DNAJC22: variants seen among roughly 807,000 people sequenced by gnomAD.
DNAJC22 encodes the protein DnaJ heat shock protein family (Hsp40) member C22, also known as dnaJ homolog subfamily C member 22.
A neutral mutation model predicts 22.2 loss-of-function variants in DNAJC22; 24 were observed. The ratio of observed to expected loss-of-function variants is 1.08; its 90% confidence interval spans 0.78 to 1.52. DNAJC22 has a LOEUF of 1.52. Among genes scored for constraint, DNAJC22 ranks in the 40% most tolerant of loss-of-function variants. The pLI is 0.00. For missense variants in DNAJC22, 434 were observed against 421.7 expected, an observed-to-expected ratio of 1.03 and a Z score of -0.26; for synonymous variants, 160 against 167.4, an observed-to-expected ratio of 0.96 and a Z score of 0.34.
At chr12:49,349,830 T>G (rs1943756836) in intron 3 of DNAJC22, 118 bp downstream of exon 3, 1 of 1,530,032 alleles carries the variant, frequency 6.5e-7, no homozygotes, top group African/African-American at 1.4e-5. Context: ...TGGATATCTG[T>G]GTACAATGGG....
rs2137096674 is a variant in DNAJC22 at position 49,351,557 on chromosome 12, C to T, written c.*55C>T. Reference sequence around the variant, plus strand: ...TCCTAGCAGAGCTGGGCAACTTGTCCCAAATCTAGCTTTGCCCACGAATGG... The same window carrying T: ...TCCTAGCAGAGCTGGGCAACTTGTCTCAAATCTAGCTTTGCCCACGAATGG... On this transcript the variant is annotated 3_prime_UTR_variant, in exon 4 of 4. Coordinates refer to ENST00000549441, the MANE Select transcript of DNAJC22 (RefSeq NM_001304944.2). 6.8e-7 allele frequency: 1 copy of T among 1,478,498 alleles called. No individual in the cohort carries two copies. The highest frequency in any genetic ancestry group is 2.6e-5 in the East Asian group (1 of 39,098). The allele number at this position is 1,478,498 out of a possible 1,614,324, so 91.6% of individuals were successfully genotyped here. A position where few individuals can be genotyped will look rare whatever the true frequency, so the allele number is the denominator to read the frequency against.
chr12:49,349,092 C>A lies in DNAJC22; in HGVS notation c.220C>A (p.Pro74Thr), dbSNP rs754049002. 1.9e-6 allele frequency: 3 copies of A among 1,614,048 alleles called. No homozygotes were observed. Among genetic ancestry groups the A allele is most frequent in the Non-Finnish European group, 2.5e-6 (3 of 1,179,936 alleles). ...GAGGCAGAGCCCCAGAGGGGTGACA[C>A]CCCCTCTGAGTCCCATTCGCTTTGC... Reference protein sequence around the residue: ...GQRQSPRGVTPPLSPIRFAAQ... With the variant: ...GQRQSPRGVTTPLSPIRFAAQ... The change falls in exon 3 of 4, where the codon CCC becomes ACC. Residue 74 changes from proline (P) to threonine (T), a missense_variant. By Grantham distance (38) the Pro-to-Thr change is conservative (BLOSUM62 -1). Transcript: ENST00000549441.
chr12:49,351,375 T>C lies in DNAJC22; in HGVS notation c.899T>C (p.Leu300Pro), dbSNP rs1455697805. ...GAAATACATCGGAGTTACCAGGAGC[T>C]AGTGAAGGTCTGGCACCCAGACCAC... ...NEEIHRSYQE[L>P]VKVWHPDHNL... The change falls in exon 4 of 4, where the codon CTA (leucine) becomes CCA (proline). Residue 300 changes from leucine to proline, a missense_variant. Physicochemically the swap from Leu to Pro is moderately conservative, Grantham distance 98 (BLOSUM62 -3). Coordinates refer to ENST00000549441, the MANE Select transcript of DNAJC22 (RefSeq NM_001304944.2). The C allele has an allele frequency of 6.2e-7, 1 of 1,613,530 alleles. No individual in the cohort carries two copies. Among genetic ancestry groups the C allele is most frequent in the Non-Finnish European group, 8.5e-7 (1 of 1,179,780 alleles).
At chr12:49,350,828 T>C (rs1464828474) in intron 3 of DNAJC22, among the ~76,000 whole-genome samples, 1 of 152,134 alleles carries the variant, frequency 6.6e-6, no homozygotes, top group Admixed American at 6.6e-5. Flanking sequence ...CAATTGTAAA[T>C]TGTTTGTTTT....
chr12:49,347,954 C>G lies in DNAJC22; in HGVS notation c.-259C>G, dbSNP rs1250814476. ...GGCCGGGGAGGGCCCTGGGGAGGAG[C>G]CTGGCCTGGGGAAGCCGGACTTCCG... On this transcript the variant is annotated 5_prime_UTR_variant, in exon 2 of 4. Transcript: ENST00000549441. 6.6e-6 allele frequency: 1 copy of G among 152,360 alleles called. No homozygotes were observed. The highest frequency in any genetic ancestry group is 6.5e-5 in the Admixed American group (1 of 15,294). The allele number at this position is 152,360 out of a possible 1,614,324, so 9.4% of individuals were successfully genotyped here.
In DNAJC22 at chr12:49,351,398, C is replaced by T. The variant is rs1294408819; in HGVS notation, c.922C>T (p.His308Tyr). The T allele has an allele frequency of 2.5e-6, 4 of 1,613,440 alleles. No homozygotes were observed. The highest frequency in any genetic ancestry group is 2.5e-6 in the Non-Finnish European group (3 of 1,179,658). The change falls in exon 4 of 4, where the codon CAC becomes TAC. Residue 308 changes from histidine to tyrosine, a missense_variant. Physicochemically the swap from His to Tyr is moderately conservative, Grantham distance 83 (BLOSUM62 2). Coordinates refer to ENST00000549441, the MANE Select transcript of DNAJC22 (RefSeq NM_001304944.2). ...QELVKVWHPD[H>Y]NLDQTEEAQR... ...GCTAGTGAAGGTCTGGCACCCAGAC[C>T]ACAACCTGGACCAGACAGAGGAGGC...
chr12:49,350,081 C>CTTTTT (rs113751660), intron 3 of DNAJC22, among the ~76,000 whole-genome samples: 1 of 144,638 alleles, frequency 6.9e-6, no homozygotes, highest in African/African-American at 2.5e-5. Flanking sequence ...TCTTCTTCTT[C>CTTTTT]TTTTTTTTTT....
intron 3 of DNAJC22, among the ~76,000 whole-genome samples, chr12:49,350,648 G>A (rs1440269605): frequency 4.6e-5 from 7 of 151,552 alleles, no homozygotes; most frequent in East Asian, 2.0e-4. Flanking sequence ...ACAGGCATGC[G>A]TCACCACGCC....
rs915060713 is a variant in DNAJC22 at position 49,351,865 on chromosome 12, A to C, written c.*363A>C. 1.3e-5 allele frequency: 2 copies of C among 152,230 alleles called. No individual in the cohort carries two copies. Among genetic ancestry groups the C allele is most frequent in the African/African-American group, 2.5e-5 (1 of 40,402 alleles). 9.4% of individuals were successfully genotyped at this position (152,230 alleles called of 1,614,324 possible). On this transcript the variant is annotated 3_prime_UTR_variant, in exon 4 of 4. Coordinates refer to ENST00000549441, the MANE Select transcript of DNAJC22 (RefSeq NM_001304944.2). Reference sequence around the variant, plus strand: ...CAGTGAGCCGAGATCACGCCACTGCACTCCAGCCTGGGCAACAAGAGTGAA... The same window carrying C: ...CAGTGAGCCGAGATCACGCCACTGCCCTCCAGCCTGGGCAACAAGAGTGAA...
Position 49,349,279 on chromosome 12 carries a change from G to T in DNAJC22, c.407G>T (p.Gly136Val). The change falls in exon 3 of 4, where the codon GGG (glycine) becomes GTG (valine). Residue 136 changes from glycine (G) to valine (V), a missense_variant. Physicochemically the swap from Gly to Val is moderately radical, Grantham distance 109. Coordinates refer to ENST00000549441, the MANE Select transcript of DNAJC22 (RefSeq NM_001304944.2). ...NQTSDFKNTL[G>V]SAFLTSPIFY... The stretch of plus-strand genomic sequence containing the variant: ...ACCTCAGACTTTAAGAACACTCTGG[G>T]GTCAGCATTTCTCACTTCACCTATC... 1 of 1,614,134 alleles carries T rather than the reference G, an allele frequency of 6.2e-7. No homozygotes were observed.
At chr12:49,350,222 G>T (rs1340292187) in intron 3 of DNAJC22, among the ~76,000 whole-genome samples, 2 of 149,284 alleles carry the variant, frequency 1.3e-5, no homozygotes, top group Non-Finnish European at 3.0e-5. Context: ...GACTACAGAC[G>T]TGTGCCACCA....
At position 49,347,132 on chromosome 12, in the gene DNAJC22, T is replaced by C. The variant is rs2137089272; in HGVS notation, c.-989T>C. ...CAAGTTCACGGAGTAGAACCCGGGA[T>C]TGGAGCCCGGGACATTGAAATGAAG... On this transcript the variant is annotated 5_prime_UTR_variant, in exon 1 of 4. Transcript: ENST00000549441. 1 of 152,364 alleles carries C rather than the reference T, an allele frequency of 6.6e-6. No homozygotes were observed. The highest frequency in any genetic ancestry group is 2.4e-5 in the African/African-American group (1 of 41,594). 9.4% of individuals were successfully genotyped at this position (152,364 alleles called of 1,614,324 possible).
rs1288255937 is a variant in DNAJC22, at chr12:49,347,186, G to C, written c.-935G>C. ...TCTTGCATTGCAGCTCCGTTGCAGC[G>C]CAGAGGCGCAGGAAGGCAGACTACC... is the stretch of plus-strand genomic sequence containing the variant. On this transcript the variant is annotated 5_prime_UTR_variant, in exon 1 of 4. Coordinates refer to ENST00000549441, the MANE Select transcript of DNAJC22 (RefSeq NM_001304944.2). The C allele has an allele frequency of 2.0e-5, 3 of 152,304 alleles. No homozygotes were observed. The highest frequency in any genetic ancestry group is 2.9e-5 in the Non-Finnish European group (2 of 68,076). 9.4% of individuals were successfully genotyped at this position (152,304 alleles called of 1,614,324 possible).
rs1943707715 is a variant in DNAJC22, at chr12:49,346,906, A to C, written c.-1215A>C. ...GCCCCTCAGTGAGCCCTAAGAGGTC[A>C]TATAGAGAGCAGCATTTCCTCTCCA... On this transcript the variant is annotated 5_prime_UTR_variant, in exon 1 of 4. Coordinates refer to ENST00000549441, the MANE Select transcript of DNAJC22 (RefSeq NM_001304944.2). 1 of 152,300 alleles carries C rather than the reference A, an allele frequency of 6.6e-6. No individual in the cohort carries two copies. The highest frequency in any genetic ancestry group is 2.1e-4 in the South Asian group (1 of 4,828). The allele number at this position is 152,300 out of a possible 1,614,324, so 9.4% of individuals were successfully genotyped here.
In DNAJC22 at chr12:49,349,584, C is replaced by T. The variant is rs1943751747; in HGVS notation, c.712C>T (p.Leu238=). 1 of 1,614,126 alleles carries T rather than the reference C, an allele frequency of 6.2e-7. No homozygotes were observed. The highest frequency in any genetic ancestry group is 8.5e-7 in the Non-Finnish European group (1 of 1,180,050). The stretch of plus-strand genomic sequence containing the variant: ...CCGCCTCATGGAGTTTGTCCTCCTT[C>T]TGCCTTACCGGATCTGGAGGCTACT... ...LGRLMEFVLL[L]PYRIWRLLMG... Residue 238 remains leucine, a synonymous_variant, in exon 3 of 4, where the codon CTG becomes TTG. Transcript: ENST00000549441.
At chr12:49,349,762 G>A (rs759235376) in intron 3 of DNAJC22, 50 bp downstream of exon 3, 29 of 1,610,182 alleles carry the variant, frequency 1.8e-5, no homozygotes, top group Non-Finnish European at 2.3e-5. Context: ...TGGCCCTCAT[G>A]TGGAAGTACT....
chr12:49,348,859 C>A lies in DNAJC22; in HGVS notation c.-14C>A. The stretch of plus-strand genomic sequence containing the variant: ...CGAGTAACCGGACTTGTTCTGAGAC[C>A]TTTGCCCTAGAGGATGGCCAAGGGG... On this transcript the variant is annotated 5_prime_UTR_variant, in exon 3 of 4. Transcript: ENST00000549441. 6.7e-7 allele frequency: 1 copy of A among 1,481,662 alleles called. No individual in the cohort carries two copies. The highest frequency in any genetic ancestry group is 9.0e-7 in the Non-Finnish European group (1 of 1,116,788). 91.8% of individuals were successfully genotyped at this position (1,481,662 alleles called of 1,614,324 possible). A position where few individuals can be genotyped will look rare whatever the true frequency, so the allele number is the denominator to read the frequency against.
Position 49,349,182 on chromosome 12 carries a change from A to G in DNAJC22, c.310A>G (p.Asn104Asp). The G allele has an allele frequency of 6.2e-7, 1 of 1,614,114 alleles. No individual in the cohort carries two copies. Among genetic ancestry groups the G allele is most frequent in the African/African-American group, 1.3e-5 (1 of 75,016 alleles). ...ACTGATTAGCCTTTCTTCCATGGTCAACTTCTATATTGTGGCCCTCCCACT... is the reference window on the plus strand; with the variant it reads ...ACTGATTAGCCTTTCTTCCATGGTCGACTTCTATATTGTGGCCCTCCCACT... ...VALISLSSMV[N>D]FYIVALPLAV... Residue 104 changes from asparagine to aspartate, a missense_variant, in exon 3 of 4, where the codon AAC (asparagine) becomes GAC (aspartate). Physicochemically the swap from Asn to Asp is conservative, Grantham distance 23 (BLOSUM62 1). Coordinates refer to ENST00000549441, the MANE Select transcript of DNAJC22 (RefSeq NM_001304944.2).
chr12:49,349,463 A>T lies in DNAJC22; in HGVS notation c.591A>T (p.Ala197=). The T allele has an allele frequency of 3.1e-6, 5 of 1,614,212 alleles. No homozygotes were observed. The highest frequency in any genetic ancestry group is 4.2e-6 in the Non-Finnish European group (5 of 1,180,032). ...LAYLAFTGPL[A]YSALCNTAAT... is the part of the protein sequence containing the mutation. ...ACCTTGCTTTCACAGGCCCACTGGC[A>T]TACAGTGCCCTCTGCAACACAGCTG... is the stretch of plus-strand genomic sequence containing the variant. The change falls in exon 3 of 4, where the codon GCA becomes GCT. Residue 197 remains alanine (A), a synonymous_variant. Coordinates refer to ENST00000549441, the MANE Select transcript of DNAJC22 (RefSeq NM_001304944.2).
Sources: gnomAD v4.1 joint callset for allele counts (sites outside exome capture counted in the v4.1 genomes callset) on GRCh38, gnomAD v4.1.1 for gene constraint, MANE v1.5 for transcripts, NCBI Gene and HGNC (gene_info 2026-07-23, HGNC 2026-07-21) for gene names.